GRM8: variants seen among roughly 807,000 people sequenced by gnomAD.
The protein encoded by GRM8 is metabotropic glutamate receptor 8.
In GRM8, 47 loss-of-function variants were observed where a neutral mutation model predicts 87.2. The observed-to-expected ratio is 0.54, with a 90% CI of 0.43 to 0.69. GRM8 has a LOEUF of 0.69. Among genes scored for constraint, GRM8 ranks in the 30% least tolerant of loss-of-function variants. The pLI, the probability that GRM8 is intolerant of heterozygous loss-of-function variation, is 0.00. For missense variants in GRM8, 1,019 were observed against 1,139.2 expected (o/e 0.89, Z 1.52); for synonymous variants, 396 against 404.5 (o/e 0.98, Z 0.25).
At chr7:127,038,863 T>A (rs1818095773) in intron 3 of GRM8, among the ~76,000 whole-genome samples, 1 of 152,202 alleles carries the variant, frequency 6.6e-6, no homozygotes, top group Admixed American at 6.5e-5. Flanking sequence ...GGATAGTGAA[T>A]TCATTTAATC....
intron 7 of GRM8, among the ~76,000 whole-genome samples, chr7:126,639,282 A>C (rs939022768): frequency 6.6e-6 from 1 of 152,090 alleles, no homozygotes; most frequent in African/African-American, 2.4e-5. Flanking sequence ...TGAGGTCACA[A>C]ATTGTAAGAG....
At chr7:126,998,131 TATATC>T (rs1813360789) in intron 3 of GRM8, among the ~76,000 whole-genome samples, 1 of 151,972 alleles carries the variant, frequency 6.6e-6, no homozygotes, top group Admixed American at 6.6e-5. Context: ...ATCAATGTGA[TATATC>T]ATATCAACAG....
chr7:127,008,785 A>G (rs1459014306), intron 3 of GRM8, among the ~76,000 whole-genome samples: 1 of 152,126 alleles, frequency 6.6e-6, no homozygotes, highest in Non-Finnish European at 1.5e-5. Flanking sequence ...AGTATATTCT[A>G]TATAGTTGAA....
In GRM8 at chr7:126,599,567, G is replaced by A. The variant is rs74863300; in HGVS notation, c.1494+9795C>T. ...CCAATTATCTTGCTTCTCTGAGAAC[G>A]GAAGGTAAGAGTCAGGCTGCATCTA... On this transcript the variant is annotated intron_variant, in intron 8 of 10. Coordinates refer to ENST00000339582, the MANE Select transcript of GRM8 (RefSeq NM_000845.3). Among the ~76,000 whole-genome samples the A allele has an allele frequency of 2.5e-3, 379 of 152,192 alleles. 1 individual carries two copies. Among genetic ancestry groups the A allele is most frequent in the African/African-American group, 8.6e-3 (359 of 41,556 alleles).
chr7:127,161,088 A>C (rs931716165), intron 2 of GRM8, among the ~76,000 whole-genome samples: 5 of 152,110 alleles, frequency 3.3e-5, no homozygotes, highest in African/African-American at 1.2e-4. Context: ...ATTCTTTATC[A>C]TACACTTAAA....
At chr7:126,755,860 T>C (rs1449341351) in intron 7 of GRM8, among the ~76,000 whole-genome samples, 1 of 151,970 alleles carries the variant, frequency 6.6e-6, no homozygotes, top group Non-Finnish European at 1.5e-5. Context: ...AGATGAAATA[T>C]TTCAGGAATT....
chr7:126,932,603 G>T (rs945102984), intron 3 of GRM8, among the ~76,000 whole-genome samples: 1 of 152,124 alleles, frequency 6.6e-6, no homozygotes, highest in African/African-American at 2.4e-5. Context: ...GCATATTATT[G>T]CATTCAAAGG....
At chr7:126,939,900 T>C (rs1374971124) in intron 3 of GRM8, among the ~76,000 whole-genome samples, 1 of 152,232 alleles carries the variant, frequency 6.6e-6, no homozygotes, top group African/African-American at 2.4e-5. Context: ...GGCTAAGTGA[T>C]AATTACAGCA....
chr7:126,558,071 AAATTTAT>A (rs1337294938), intron 8 of GRM8, among the ~76,000 whole-genome samples: 5 of 152,194 alleles, frequency 3.3e-5, no homozygotes, highest in Admixed American at 1.3e-4. Flanking sequence ...ACATTTCAAC[AAATTTAT>A]AATTCACTGT....
intron 7 of GRM8, among the ~76,000 whole-genome samples, chr7:126,675,084 G>A (rs1806805277): frequency 6.6e-6 from 1 of 152,068 alleles, no homozygotes; most frequent in Non-Finnish European, 1.5e-5. Context: ...TTGGAGGTAG[G>A]GCCTTTACAA....
chr7:127,045,422 G>A (rs1301723346), intron 3 of GRM8, among the ~76,000 whole-genome samples: 1 of 151,636 alleles, frequency 6.6e-6, no homozygotes, highest in African/African-American at 2.4e-5. Flanking sequence ...AGTCATTCAA[G>A]AGATGCCTAA....
chr7:126,751,079 C>T (rs1816362036), intron 7 of GRM8, among the ~76,000 whole-genome samples: 1 of 151,898 alleles, frequency 6.6e-6, no homozygotes, highest in Non-Finnish European at 1.5e-5. Flanking sequence ...AGAAATAATG[C>T]CTAGAAATCT....
At chr7:127,129,220 G>A (rs1239618209) in intron 2 of GRM8, among the ~76,000 whole-genome samples, 1 of 152,106 alleles carries the variant, frequency 6.6e-6, no homozygotes, top group African/African-American at 2.4e-5. Flanking sequence ...GTATAAACCA[G>A]AAAATTATTA....
intron 3 of GRM8, among the ~76,000 whole-genome samples, chr7:127,057,501 G>A (rs771824543): frequency 1.3e-5 from 2 of 151,936 alleles, no homozygotes; most frequent in Non-Finnish European, 2.9e-5. Context: ...TTTTAAAGAT[G>A]GTAGAACTGA....
intron 8 of GRM8, among the ~76,000 whole-genome samples, chr7:126,601,379 C>A (rs1039023629): frequency 1.3e-5 from 2 of 152,018 alleles, no homozygotes; most frequent in African/African-American, 4.8e-5. Context: ...GTGAATAATG[C>A]CGCAATAAAC....
intron 2 of GRM8, among the ~76,000 whole-genome samples, chr7:127,217,977 G>T (rs1213008462): frequency 1.3e-5 from 2 of 152,146 alleles, no homozygotes; most frequent in Non-Finnish European, 2.9e-5. Context: ...TCTTTAGAAT[G>T]CAGGTGACTG....
At chr7:126,453,108 C>G (rs887398673) in intron 9 of GRM8, among the ~76,000 whole-genome samples, 1 of 126,064 alleles carries the variant, frequency 7.9e-6, no homozygotes. Context: ...CACACACACA[C>G]ACACATACAA....
At chr7:127,180,662 G>C (rs1386823321) in intron 2 of GRM8, among the ~76,000 whole-genome samples, 1 of 152,092 alleles carries the variant, frequency 6.6e-6, no homozygotes, top group African/African-American at 2.4e-5. Context: ...GATCAAGTGA[G>C]TTTCATACCA....
chr7:127,024,767 A>T (rs532902092), intron 3 of GRM8, among the ~76,000 whole-genome samples: 1 of 151,884 alleles, frequency 6.6e-6, no homozygotes, highest in Non-Finnish European at 1.5e-5. Context: ...TGCAGAGCTC[A>T]CTCATGTTTT....
Sources: allele counts gnomAD v4.1 joint callset (sites outside exome capture counted in the v4.1 genomes callset), GRCh38; gene constraint gnomAD v4.1.1; transcripts MANE v1.5; gene names NCBI Gene and HGNC (gene_info 2026-07-23, HGNC 2026-07-21).